UBE2D2: variants seen among roughly 807,000 people sequenced by gnomAD.
UBE2D2 encodes the protein ubiquitin-conjugating enzyme E2 D2.
Under a neutral mutation model 24.2 loss-of-function variants are expected in UBE2D2, and 2 were observed. That is an observed-to-expected ratio of 0.08 (90% CI 0.03 to 0.26). The LOEUF (loss-of-function observed/expected upper bound fraction) is 0.26. Ranked by LOEUF, UBE2D2 falls within the 10% of genes least tolerant of loss-of-function variation. The pLI is 1.00. For synonymous variants in UBE2D2, 58 were observed against 56.5 expected (o/e 1.03, Z -0.12); for missense variants, 44 against 177.6 (o/e 0.25, Z 4.28).
chr5:139,611,155 C>T (rs1224990584), intron 2 of UBE2D2, among the ~76,000 whole-genome samples: 1 of 132,266 alleles, frequency 7.6e-6, no homozygotes, highest in Admixed American at 8.0e-5. Flanking sequence ...TAAAGTAGTT[C>T]TAGATGACAA....
chr5:139,620,910 A>G (rs975630375), intron 5 of UBE2D2, among the ~76,000 whole-genome samples: 1 of 152,352 alleles, frequency 6.6e-6, no homozygotes, highest in Non-Finnish European at 1.5e-5. Context: ...GTAATCAGTG[A>G]CTTTATGCCC....
intron 1 of UBE2D2, among the ~76,000 whole-genome samples, chr5:139,593,618 A>G (rs994062342): frequency 2.0e-5 from 3 of 152,090 alleles, no homozygotes; most frequent in African/African-American, 7.2e-5. Flanking sequence ...GATATATTAA[A>G]ATATGTACTT....
chr5:139,555,033 TA>T (rs1409365252), intron 1 of UBE2D2: 2 of 151,974 alleles, frequency 1.3e-5, no homozygotes, highest in African/African-American at 4.8e-5. Context: ...CATTTCCTCT[TA>T]TTTTTTTTTG....
At chr5:139,615,475 ACT>A (rs1326582582) in intron 5 of UBE2D2, among the ~76,000 whole-genome samples, 3 of 151,320 alleles carry the variant, frequency 2.0e-5, no homozygotes, top group Admixed American at 1.3e-4. Flanking sequence ...ACAGAGCGAG[ACT>A]CTGTCTCAAA....
rs1258537848 is a variant in UBE2D2 at position 139,553,470 on chromosome 5, G to A, written c.-64+26858G>A. On this transcript the variant is annotated intron_variant, in intron 1 of 6. Transcript: ENST00000511725. The stretch of plus-strand genomic sequence containing the variant: ...AGCTATATCACAGCTGTCAGCTGTG[G>A]GAACACCTTTGCCAAGGGAAAGCCT... Among the ~76,000 whole-genome samples the A allele has an allele frequency of 5.3e-5, 8 of 152,210 alleles. No homozygotes were observed. The East Asian group carries it at 1.4e-3, about 26-fold the overall frequency.
intron 1 of UBE2D2, among the ~76,000 whole-genome samples, chr5:139,592,023 G>A (rs946220621): frequency 6.6e-6 from 1 of 152,072 alleles, no homozygotes; most frequent in Admixed American, 6.6e-5. Flanking sequence ...ACAACGTGGT[G>A]AAACGCCATC....
At chr5:139,597,596 A>G (rs185475660) in intron 1 of UBE2D2, among the ~76,000 whole-genome samples, 16 of 152,372 alleles carry the variant, frequency 1.1e-4, no homozygotes, top group Admixed American at 9.8e-4. Flanking sequence ...AGCGAAATCA[A>G]AAGTAAAATT....
intron 1 of UBE2D2, among the ~76,000 whole-genome samples, chr5:139,566,419 A>G (rs1753219712): frequency 6.6e-6 from 1 of 151,474 alleles, no homozygotes; most frequent in Non-Finnish European, 1.5e-5. Context: ...CACGCCTGTA[A>G]TCCCAGCACT....
At chr5:139,548,218 G>A (rs1172918216) in intron 1 of UBE2D2, among the ~76,000 whole-genome samples, 3 of 101,290 alleles carry the variant, frequency 3.0e-5, no homozygotes, top group Middle Eastern at 5.4e-3. Context: ...ATAAATAAAC[G>A]TTCCCTTCAA....
intron 2 of UBE2D2, among the ~76,000 whole-genome samples, chr5:139,613,622 C>G (rs552328245): frequency 6.6e-6 from 1 of 152,142 alleles, no homozygotes; most frequent in South Asian, 2.1e-4. Flanking sequence ...TCCTCTTTAA[C>G]TTATCCTTTA....
intron 5 of UBE2D2, among the ~76,000 whole-genome samples, chr5:139,623,164 C>T (rs904765041): frequency 1.3e-5 from 2 of 151,548 alleles, no homozygotes; most frequent in African/African-American, 2.4e-5. Context: ...ATGGTGAAAC[C>T]CCAATTCTGC....
At chr5:139,622,736 A>G (rs1754536782) in intron 5 of UBE2D2, among the ~76,000 whole-genome samples, 1 of 149,348 alleles carries the variant, frequency 6.7e-6, no homozygotes, top group Non-Finnish European at 1.5e-5. Context: ...TAAAAATACA[A>G]AAAATTAGCC....
rs1032884535 is a variant in UBE2D2 at position 139,561,666 on chromosome 5, T to C, written c.-126T>C. ...TCAGCCCGTCCCGCCGGACCCGCTT[T>C]CCTCAACTCTCCATCTTCTCCTGCC... On this transcript the variant is annotated 5_prime_UTR_variant, in exon 1 of 7. Coordinates refer to ENST00000398733, the MANE Select transcript of UBE2D2 (RefSeq NM_003339.3). 59 of 682,078 alleles carry C rather than the reference T, an allele frequency of 8.7e-5. No homozygotes were observed. Among genetic ancestry groups the C allele is most frequent in the Non-Finnish European group, 1.3e-4 (56 of 443,030 alleles). 42.3% of individuals were successfully genotyped at this position (682,078 alleles called of 1,614,324 possible).
rs571673956 is a variant in UBE2D2, at chr5:139,543,044, G to C, written c.-64+16432G>C. Among the ~76,000 whole-genome samples the C allele has an allele frequency of 4.6e-5, 7 of 152,152 alleles. No individual in the cohort carries two copies. In the East Asian group the frequency reaches 1.2e-3, roughly 25 times the overall value. ...CCTGAGAAGCTGGGACTACAGGCGC[G>C]CGCCACCATGCCTGGCTAATTTTTG... On this transcript the variant is annotated intron_variant, in intron 1 of 6. Coordinates refer to the UBE2D2 transcript ENST00000511725.
intron 1 of UBE2D2, among the ~76,000 whole-genome samples, chr5:139,596,040 C>T (rs1333107322): frequency 6.8e-6 from 1 of 147,794 alleles, no homozygotes; most frequent in Non-Finnish European, 1.5e-5. Flanking sequence ...ACTACAGGCG[C>T]GCGCCACCAT....
intron 1 of UBE2D2, among the ~76,000 whole-genome samples, chr5:139,565,175 A>G (rs1314789161): frequency 6.6e-6 from 1 of 152,156 alleles, no homozygotes; most frequent in East Asian, 1.9e-4. Flanking sequence ...TCTAAGAAAA[A>G]CTACATTTGA....
At chr5:139,558,073 C>G (rs1256705606), upstream of UBE2D2, among the ~76,000 whole-genome samples, 3 of 151,322 alleles carry the variant, frequency 2.0e-5, no homozygotes, top group African/African-American at 7.3e-5. Flanking sequence ...GAGGGAGAGA[C>G]AGTGACCCCA....
chr5:139,553,545 T>C lies in UBE2D2; in HGVS notation c.-64+26933T>C, dbSNP rs191125411. Among the ~76,000 whole-genome samples, 39 of 152,152 alleles carry C rather than the reference T, an allele frequency of 2.6e-4. 1 individual carries two copies. The highest frequency in any genetic ancestry group is 8.9e-4 in the African/African-American group (37 of 41,512). On this transcript the variant is annotated intron_variant, in intron 1 of 6. Coordinates refer to the UBE2D2 transcript ENST00000511725. ...CTAGGTTAACAACCAAGAGGGGAGA[T>C]CAAACTCCAGGAACATGCAGTGTGC...
chr5:139,614,706 C>G lies in UBE2D2; in HGVS notation c.130C>G (p.Pro44Ala). The G allele has an allele frequency of 1.9e-6, 3 of 1,613,834 alleles. No homozygotes were observed. The highest frequency in any genetic ancestry group is 2.5e-6 in the Non-Finnish European group (3 of 1,179,862). Reference protein sequence around the residue: ...QATIMGPNDSPYQGGVFFLTI... With the variant: ...QATIMGPNDSAYQGGVFFLTI... ...TTCTTGTTATCAACAGAATGACAGT[C>G]CCTATCAGGGTGGAGTATTTTTCTT... The change falls in exon 4 of 7, where the codon CCC becomes GCC. Residue 44 changes from proline to alanine, a missense_variant. Around this residue, in one of 2 missense-constraint regions of UBE2D2, gnomAD observed 23 missense variants for 141.9 expected, o/e 0.16. Coordinates refer to ENST00000398733, the MANE Select transcript of UBE2D2 (RefSeq NM_003339.3).
Sources: gnomAD v4.1 joint callset for allele counts (sites outside exome capture counted in the v4.1 genomes callset) on GRCh38, gnomAD v4.1.1 for gene constraint, gnomAD v4.1.1 regional missense constraint, MANE v1.5 for transcripts, NCBI Gene and HGNC (gene_info 2026-07-23, HGNC 2026-07-21) for gene names.